The following MACROD2 variants were observed in gnomAD, a reference collection of about 807,000 sequenced individuals.
MACROD2 encodes the protein ADP-ribose glycohydrolase MACROD2.
MACROD2 carries 36 observed loss-of-function variants against 70.4 expected under a neutral mutation model. That is an observed-to-expected ratio of 0.51 (90% CI 0.39 to 0.68). MACROD2 has a LOEUF of 0.68. MACROD2 is among the 30% of genes least tolerant of loss of function. The pLI, the probability that MACROD2 is intolerant of heterozygous loss-of-function variation, is 0.00. For synonymous variants in MACROD2, 172 were observed against 178.8 expected (o/e 0.96, Z 0.30); for missense variants, 496 against 538.4 (o/e 0.92, Z 0.78).
At chr20:14,314,949 A>T (rs1049380558) in intron 3 of MACROD2, among the ~76,000 whole-genome samples, 6 of 152,154 alleles carry the variant, frequency 3.9e-5, no homozygotes, top group Non-Finnish European at 8.8e-5. Flanking sequence ...CCAAGGCCAT[A>T]TCCCAAATAA....
chr20:16,044,292 G>C (rs1466107499), intron 16 of MACROD2, among the ~76,000 whole-genome samples: 1 of 151,930 alleles, frequency 6.6e-6, no homozygotes, highest in East Asian at 1.9e-4. Context: ...ATTCATGAAG[G>C]ATACATCCCT....
At chr20:14,384,350 A>G (rs893253921) in intron 3 of MACROD2, among the ~76,000 whole-genome samples, 19 of 152,178 alleles carry the variant, frequency 1.2e-4, no homozygotes, top group African/African-American at 4.3e-4. Flanking sequence ...AAAGTTTTTA[A>G]GAAAACTTTG....
At chr20:15,663,327 T>G (rs113523601) in intron 8 of MACROD2, among the ~76,000 whole-genome samples, 92 of 150,694 alleles carry the variant, frequency 6.1e-4, no homozygotes, top group African/African-American at 2.0e-3. Flanking sequence ...CCTCCGACTC[T>G]GGGGTCAAGC....
At chr20:14,983,102 A>G (rs2074816511) in intron 5 of MACROD2, among the ~76,000 whole-genome samples, 1 of 152,148 alleles carries the variant, frequency 6.6e-6, no homozygotes, top group Admixed American at 6.5e-5. Flanking sequence ...TTGGAGTTTT[A>G]AGATTTGACT....
chr20:14,217,147 C>T (rs2081629976), intron 3 of MACROD2, among the ~76,000 whole-genome samples: 1 of 152,076 alleles, frequency 6.6e-6, no homozygotes, highest in African/African-American at 2.4e-5. Context: ...GTGGGTTTGT[C>T]ATAGATGGCT....
intron 10 of MACROD2, among the ~76,000 whole-genome samples, chr20:15,921,744 G>A (rs932578089): frequency 6.6e-6 from 1 of 152,234 alleles, no homozygotes; most frequent in African/African-American, 2.4e-5. Context: ...CACATGCTAA[G>A]ACAAAGATTC....
At chr20:14,611,542 C>A (rs1405220163) in intron 4 of MACROD2, among the ~76,000 whole-genome samples, 1 of 134,042 alleles carries the variant, frequency 7.5e-6, no homozygotes, top group Non-Finnish European at 1.6e-5. Flanking sequence ...TAATTCAAAA[C>A]AAAGATTTGA....
At chr20:14,148,496 G>A (rs1411713111) in intron 3 of MACROD2, among the ~76,000 whole-genome samples, 1 of 152,094 alleles carries the variant, frequency 6.6e-6, no homozygotes, top group Non-Finnish European at 1.5e-5. Context: ...GAATGTTATT[G>A]TATTATTTTG....
chr20:15,247,855 G>T (rs895297494), intron 6 of MACROD2, among the ~76,000 whole-genome samples: 4 of 152,068 alleles, frequency 2.6e-5, no homozygotes, highest in African/African-American at 9.7e-5. Context: ...GCACCAGTAG[G>T]CCTGGCTAAT....
chr20:15,992,827 T>C (rs1788960847), intron 15 of MACROD2, among the ~76,000 whole-genome samples: 1 of 152,208 alleles, frequency 6.6e-6, no homozygotes, highest in African/African-American at 2.4e-5. Flanking sequence ...ATGACTCACA[T>C]AAGTGGAATT....
chr20:14,431,820 G>A (rs973962801), intron 3 of MACROD2, among the ~76,000 whole-genome samples: 3 of 152,168 alleles, frequency 2.0e-5, no homozygotes, highest in East Asian at 1.9e-4. Context: ...AAAATAATTC[G>A]GCCTTCTTAT....
chr20:14,111,886 T>G (rs921807680), intron 3 of MACROD2, among the ~76,000 whole-genome samples: 2 of 151,976 alleles, frequency 1.3e-5, no homozygotes, highest in African/African-American at 4.8e-5. Context: ...ATTGGTATAT[T>G]GAAGAGATAT....
At chr20:14,019,296 G>T (rs989166361) in intron 2 of MACROD2, among the ~76,000 whole-genome samples, 4 of 152,134 alleles carry the variant, frequency 2.6e-5, no homozygotes, top group Admixed American at 2.6e-4. Flanking sequence ...TTTTGAGATG[G>T]AGTTTTGCTC....
intron 15 of MACROD2, among the ~76,000 whole-genome samples, chr20:16,002,097 C>T (rs962919071): frequency 4.6e-5 from 7 of 151,474 alleles, no homozygotes; most frequent in Non-Finnish European, 8.8e-5. Context: ...TTTCATATCT[C>T]CAAAGTCTAC....
chr20:14,896,376 A>AC, intron 5 of MACROD2, among the ~76,000 whole-genome samples: 1 of 152,322 alleles, frequency 6.6e-6, no homozygotes, highest in South Asian at 2.1e-4. Flanking sequence ...TTTGTGTTGA[A>AC]TTCTTTGTCT....
chr20:15,765,882 A>G (rs2051515682), intron 8 of MACROD2, among the ~76,000 whole-genome samples: 1 of 150,572 alleles, frequency 6.6e-6, no homozygotes, highest in African/African-American at 2.5e-5. Context: ...TTTCAAGAAA[A>G]GCAGATATAA....
At position 15,979,948 on chromosome 20, in the gene MACROD2, A is replaced by G. The variant is rs368692391; in HGVS notation, c.986-6779A>G. Among the ~76,000 whole-genome samples, 6 of 152,186 alleles carry G rather than the reference A, an allele frequency of 3.9e-5. No individual in the cohort carries two copies. In the East Asian group the frequency reaches 5.8e-4, roughly 15 times the overall value. ...GGGCTTTATTCAGCTGGGAGCATCG[A>G]CAAGCTACTGCCTTAAAATCCGAGC... On this transcript the variant is annotated intron_variant, in intron 13 of 17. Transcript: ENST00000684519.
At chr20:15,545,894 A>G (rs2048019835) in intron 8 of MACROD2, among the ~76,000 whole-genome samples, 1 of 152,320 alleles carries the variant, frequency 6.6e-6, no homozygotes, top group African/African-American at 2.4e-5. Flanking sequence ...GAGTGGGCAG[A>G]ATTTGATAAA....
intron 5 of MACROD2, among the ~76,000 whole-genome samples, chr20:15,110,216 GA>G (rs1209504073): frequency 1.3e-5 from 2 of 152,088 alleles, no homozygotes; most frequent in Admixed American, 1.3e-4. Flanking sequence ...AGGCCAGAAA[GA>G]ACTTGAGGAG....
Sources: allele counts gnomAD v4.1 joint callset (sites outside exome capture counted in the v4.1 genomes callset), GRCh38; gene constraint gnomAD v4.1.1; transcripts MANE v1.5; gene names NCBI Gene and HGNC (gene_info 2026-07-23, HGNC 2026-07-21).